PDLIM2: variants seen among roughly 807,000 people sequenced by gnomAD.
PDLIM2 encodes the protein PDZ and LIM domain protein 2.
PDLIM2 carries 51 observed loss-of-function variants against 54.1 expected under a neutral mutation model. The ratio of observed to expected loss-of-function variants is 0.94; its 90% confidence interval spans 0.75 to 1.19. The LOEUF (loss-of-function observed/expected upper bound fraction) is 1.19. Ranked by LOEUF, PDLIM2 falls within the 50% of genes most tolerant of loss-of-function variation. PDLIM2 has a pLI of 0.00. For missense variants in PDLIM2, 912 were observed against 874.0 expected, an observed-to-expected ratio of 1.04 and a Z score of -0.55; for synonymous variants, 398 against 385.6, an observed-to-expected ratio of 1.03 and a Z score of -0.38.
At chr8:22,591,494 T>C in intron 8 of PDLIM2, 57 bp from the exon 8 acceptor site, 1 of 1,476,408 alleles carries the variant, frequency 6.8e-7, no homozygotes, top group Non-Finnish European at 9.5e-7. Context: ...AGAGCATCTT[T>C]GGGAGGATGC....
chr8:22,581,343 C>A, intron 2 of PDLIM2, 36 bp from the exon 2 acceptor site: 1 of 1,562,326 alleles, frequency 6.4e-7, no homozygotes, highest in East Asian at 2.4e-5. Flanking sequence ...TCCAGCTGGG[C>A]CACGGTCTGA....
At position 22,585,309 on chromosome 8, in the gene PDLIM2, T is replaced by C. The variant is rs1171983897; in HGVS notation, c.1212-12T>C. 6.2e-7 allele frequency: 1 copy of C among 1,612,888 alleles called. No homozygotes were observed. The highest frequency in any genetic ancestry group is 8.5e-7 in the Non-Finnish European group (1 of 1,179,800). On this transcript the variant is annotated splice_polypyrimidine_tract_variant and intron_variant, in intron 5 of 9. Transcript: ENST00000308354. The stretch of plus-strand genomic sequence containing the variant: ...GTGGCCCTGGCACACACTGTCCCTT[T>C]CCCACTTTCAGCTTCCAGAGTCTGG...
chr8:22,592,900 GT>G (rs1213654647), intron 9 of PDLIM2: 1 of 152,238 alleles, frequency 6.6e-6, no homozygotes. Flanking sequence ...TTTTAATAGA[GT>G]TTCACTCTGT....
chr8:22,587,336 A>T (rs374991358), intron 6 of PDLIM2, among the ~76,000 whole-genome samples: 5 of 152,092 alleles, frequency 3.3e-5, no homozygotes, highest in African/African-American at 1.2e-4. Context: ...AGTCCAGACC[A>T]GTTTGGGCAA....
chr8:22,593,709 C>G, intron 9 of PDLIM2, 24 bp from the exon 9 acceptor site: 1 of 1,552,806 alleles, frequency 6.4e-7, no homozygotes, highest in Non-Finnish European at 8.7e-7. Context: ...TGGCTCTGAG[C>G]TAAAGCCTCT....
At chr8:22,583,692 AGGAGGT>A (rs1800278954) in intron 3 of PDLIM2, among the ~76,000 whole-genome samples, 1 of 151,760 alleles carries the variant, frequency 6.6e-6, no homozygotes, top group African/African-American at 2.4e-5. Flanking sequence ...GCTTGAACCC[AGGAGGT>A]GGAGGTTGCA....
exon 1 of PDLIM2, chr8:22,578,748 C>T (rs890215976): frequency 2.4e-6 from 3 of 1,233,360 alleles, no homozygotes; most frequent in African/African-American, 1.6e-5. Context: ...CGCAGACACA[C>T]CCAGGCAGCC....
chr8:22,584,851 T>C (rs990142434), exon 4 of PDLIM2: 2 of 1,614,132 alleles, frequency 1.2e-6, no homozygotes, highest in African/African-American at 1.3e-5. Flanking sequence ...GGCAGACCAA[T>C]GGGGACAGCT....
chr8:22,580,801 A>G (rs76598232), intron 2 of PDLIM2, 104 bp downstream of exon 1: 90,392 of 1,234,850 alleles, frequency 0.073, 3,729 homozygotes, highest in Non-Finnish European at 0.08. Context: ...TTCTGGAGCT[A>G]GGGATCTGCT....
At chr8:22,585,284 G>T (rs775804602) in intron 5 of PDLIM2, 37 bp from the exon 5 acceptor site, 12 of 1,608,346 alleles carry the variant, frequency 7.5e-6, no homozygotes, top group South Asian at 2.2e-5. Context: ...CAGGCTGGGG[G>T]TGGCCCTGGC....
At chr8:22,579,493 C>G in exon 1 of PDLIM2, 1 of 1,509,648 alleles carries the variant, frequency 6.6e-7, no homozygotes, top group Non-Finnish European at 8.8e-7. Context: ...CTCCCCGCGG[C>G]GCCCGCAGCG....
At chr8:22,590,134 CTG>C (rs5890055) in intron 8 of PDLIM2, 56,607 of 196,450 alleles carry the variant, frequency 0.29, 8,889 homozygotes, top group South Asian at 0.37. Flanking sequence ...GCAGGAAGCA[CTG>C]TGGAAGGTGG....
At chr8:22,589,088 G>A (rs1800456446) in intron 6 of PDLIM2, 2 of 494,770 alleles carry the variant, frequency 4.0e-6, no homozygotes, top group African/African-American at 2.2e-5. Context: ...CTGCGCCCTG[G>A]CTCCGAGGGA....
downstream of PDLIM2, chr8:22,597,315 T>C (rs950605852): frequency 6.6e-6 from 1 of 152,324 alleles, no homozygotes; most frequent in Non-Finnish European, 1.5e-5. Flanking sequence ...GGCTTGGGAC[T>C]GCGGCTGCCA....
At chr8:22,597,195 ACTGT>A (rs941121593), downstream of PDLIM2, 60 of 152,374 alleles carry the variant, frequency 3.9e-4, no homozygotes, top group African/African-American at 1.3e-3. Flanking sequence ...TGCTCAGGAC[ACTGT>A]CTGTCTCAGG....
downstream of PDLIM2, chr8:22,594,676 C>T (rs575707881): frequency 2.4e-5 from 38 of 1,596,632 alleles, no homozygotes; most frequent in Admixed American, 7.0e-5. Context: ...GAGGACCGGC[C>T]GCCCACCAAG....
chr8:22,592,994 C>T (rs1347127254), intron 9 of PDLIM2: 3 of 152,344 alleles, frequency 2.0e-5, no homozygotes, highest in Non-Finnish European at 4.4e-5. Context: ...CCATCTCAGC[C>T]TCCTGAGTAG....
At chr8:22,589,654 C>G in exon 8 of PDLIM2, 1 of 1,591,530 alleles carries the variant, frequency 6.3e-7, no homozygotes. Context: ...CTTCAAGATG[C>G]TGCAGGAAAA....
rs531589006 is a variant in PDLIM2, at chr8:22,593,386, G to A, written c.1632-347G>A. 11 of 219,720 alleles carry A rather than the reference G, an allele frequency of 5.0e-5. No individual in the cohort carries two copies. The South Asian group carries it at 9.9e-4, about 20-fold the overall frequency. 13.6% of individuals were successfully genotyped at this position (219,720 alleles called of 1,614,324 possible). A position where few individuals can be genotyped will look rare whatever the true frequency, so the allele number is the denominator to read the frequency against. On this transcript the variant is annotated intron_variant, in intron 9 of 9. Transcript: ENST00000308354. ...GAGGTTGGGAGGGCAAGACCGTCCTGGCTAACACGGTAAAACCCGTCTCTA... is the reference window on the plus strand; with the variant it reads ...GAGGTTGGGAGGGCAAGACCGTCCTAGCTAACACGGTAAAACCCGTCTCTA...
Sources: allele counts gnomAD v4.1 joint callset (sites outside exome capture counted in the v4.1 genomes callset), GRCh38; gene constraint gnomAD v4.1.1; transcripts MANE v1.5; gene names NCBI Gene and HGNC (gene_info 2026-07-23, HGNC 2026-07-21).